The following MCF2L2 variants were observed in gnomAD, a reference collection of about 807,000 sequenced individuals.
MCF2L2 encodes the protein probable guanine nucleotide exchange factor MCF2L2.
Under a neutral mutation model 150.2 loss-of-function variants are expected in MCF2L2, and 102 were observed. That is an observed-to-expected ratio of 0.68 (90% CI 0.58 to 0.80). The LOEUF is 0.80. MCF2L2 is among the 30% of genes least tolerant of loss of function. The pLI is 0.00. For synonymous variants in MCF2L2, 465 were observed against 491.3 expected (o/e 0.95, Z 0.71); for missense variants, 1,256 against 1,372.8 (o/e 0.91, Z 1.34).
Position 183,305,404 on chromosome 3 carries a change from G to C in MCF2L2, c.1113+4312C>G, listed in dbSNP as rs890092511. On this transcript the variant is annotated intron_variant, in intron 10 of 29. Coordinates refer to ENST00000328913, the MANE Select transcript of MCF2L2 (RefSeq NM_015078.4). The surrounding 1 kb of genome is among the most constrained non-coding windows in gnomAD (Gnocchi z 4.1). ...TCTGGGTCCAGGGAAATTCACCACA[G>C]GATACTTCCAAATCACCCTGTGGTG... Among the ~76,000 whole-genome samples the C allele has an allele frequency of 1.3e-5, 2 of 151,954 alleles. No individual in the cohort carries two copies. The highest frequency in any genetic ancestry group is 4.8e-5 in the African/African-American group (2 of 41,340).
chr3:183,261,088 T>C (rs1344695072), intron 15 of MCF2L2, among the ~76,000 whole-genome samples: 3 of 152,228 alleles, frequency 2.0e-5, no homozygotes, highest in Non-Finnish European at 4.4e-5. Flanking sequence ...TAAATTCACA[T>C]TTCACATTGC....
intron 6 of MCF2L2, among the ~76,000 whole-genome samples, chr3:183,321,434 T>A (rs1174988376): frequency 9.3e-6 from 1 of 107,660 alleles, no homozygotes; most frequent in Non-Finnish European, 2.0e-5. Flanking sequence ...CAAGACTCTG[T>A]CTCAAAAAAA....
At chr3:183,205,783 C>G in intron 25 of MCF2L2, 93 bp downstream of exon 25, 1 of 933,154 alleles carries the variant, frequency 1.1e-6, no homozygotes, top group Non-Finnish European at 1.7e-6. Flanking sequence ...TCCCAGCAAA[C>G]CATTTTCTTT....
At chr3:183,223,296 G>T in intron 20 of MCF2L2, 50 bp downstream of exon 20, 3 of 1,378,538 alleles carry the variant, frequency 2.2e-6, no homozygotes, top group Non-Finnish European at 3.1e-6. Flanking sequence ...GCACCACAGT[G>T]CAGGCGTCTG....
chr3:183,227,048 G>A lies in MCF2L2; in HGVS notation c.2115+1249C>T, dbSNP rs768243041. 2.0e-5 allele frequency: 3 copies of A among 152,162 alleles called. No homozygotes were observed. Among genetic ancestry groups the A allele is most frequent in the Non-Finnish European group, 4.4e-5 (3 of 68,032 alleles). The allele number at this position is 152,162 out of a possible 1,614,324, so 9.4% of individuals were successfully genotyped here. A position where few individuals can be genotyped will look rare whatever the true frequency, so the allele number is the denominator to read the frequency against. On this transcript the variant is annotated intron_variant, in intron 18 of 29. Transcript: ENST00000328913. The surrounding 1 kb of genome is among the most constrained non-coding windows in gnomAD (Gnocchi z 4.0). ...CTTTGTTTGCTTCCAGTTATCATAA[G>A]TATTGCTCTCAGCCTCAGTCATAAT...
chr3:183,347,806 A>C lies in MCF2L2; in HGVS notation c.276-6176T>G, dbSNP rs151205036. 3.6e-3 allele frequency among the ~76,000 whole-genome samples: 549 copies of C among 152,372 alleles called. 1 individual carries two copies. Among genetic ancestry groups the C allele is most frequent in the African/African-American group, 0.013 (530 of 41,588 alleles). On this transcript the variant is annotated intron_variant, in intron 3 of 29. Transcript: ENST00000328913. ...CCAACAAACATATGAAAAAAAGCTC[A>C]TCATTGCTGGTCATTAGATAAATGC...
intron 6 of MCF2L2, among the ~76,000 whole-genome samples, chr3:183,318,911 T>C (rs902836957): frequency 6.6e-6 from 1 of 152,250 alleles, no homozygotes; most frequent in Non-Finnish European, 1.5e-5. Flanking sequence ...CGGAGGGTCT[T>C]GCCTCAATGT....
In MCF2L2 at chr3:183,309,266, G is replaced by GT. The variant is rs10554213; in HGVS notation, c.1113+449dup. 2.7e-4 allele frequency among the ~76,000 whole-genome samples: 41 copies of GT among 149,346 alleles called. 1 individual carries two copies. The highest frequency in any genetic ancestry group is 6.9e-3 in the Middle Eastern group (2 of 290). Reference sequence around the variant, plus strand: ...TCTTGCTCCAGGTATAAAACTAGTTGTTTTTTTTTTTCTGGTTTCTCCTTT... The same window carrying GT: ...TCTTGCTCCAGGTATAAAACTAGTTGTTTTTTTTTTTTCTGGTTTCTCCTTT... On this transcript the variant is annotated intron_variant, in intron 10 of 29. Coordinates refer to ENST00000328913, the MANE Select transcript of MCF2L2 (RefSeq NM_015078.4).
At position 183,243,330 on chromosome 3, in the gene MCF2L2, A is replaced by C. The variant is rs186745163; in HGVS notation, c.1863-12313T>G. On this transcript the variant is annotated intron_variant, in intron 15 of 29. Transcript: ENST00000328913. ...CATCAGGATCCTCCCACACATCCCC[A>C]TTCTAAGTTGCAGGGTCCCATTCTT... 2.4e-3 allele frequency among the ~76,000 whole-genome samples: 362 copies of C among 152,258 alleles called. 2 individuals are homozygous for C. Among genetic ancestry groups the C allele is most frequent in the Non-Finnish European group, 2.9e-3 (199 of 68,008 alleles).
At position 183,295,015 on chromosome 3, in the gene MCF2L2, G is replaced by A. The variant is rs1019390670; in HGVS notation, c.1675+285C>T. Among the ~76,000 whole-genome samples the A allele has an allele frequency of 6.0e-5, 9 of 150,910 alleles. No individual in the cohort carries two copies. The East Asian group carries it at 7.8e-4, about 13-fold the overall frequency. On this transcript the variant is annotated intron_variant, in intron 13 of 29. Coordinates refer to ENST00000328913, the MANE Select transcript of MCF2L2 (RefSeq NM_015078.4). Reference sequence around the variant, plus strand: ...TGACCTCAGATAATCCACCCGCCACGGCCTCCCAAAGTGCTGGGATTACAG... The same window carrying A: ...TGACCTCAGATAATCCACCCGCCACAGCCTCCCAAAGTGCTGGGATTACAG...
chr3:183,191,898 T>C (rs2108634651), intron 27 of MCF2L2, among the ~76,000 whole-genome samples: 1 of 152,130 alleles, frequency 6.6e-6, no homozygotes, highest in Non-Finnish European at 1.5e-5. Flanking sequence ...TGGAGTGCAG[T>C]GGCGTGATCT....
At chr3:183,339,922 G>A (rs905954280) in intron 4 of MCF2L2, among the ~76,000 whole-genome samples, 6 of 152,150 alleles carry the variant, frequency 3.9e-5, no homozygotes, top group Non-Finnish European at 2.9e-5. Flanking sequence ...CATATAAAGT[G>A]ATCAACGTAA....
At chr3:183,366,898 T>C (rs4859174) in intron 3 of MCF2L2, among the ~76,000 whole-genome samples, 6,108 of 152,134 alleles carry the variant, frequency 0.04, 343 homozygotes, top group African/African-American at 0.12. Flanking sequence ...ATCTGCAAGA[T>C]AGTAATAATG....
intron 25 of MCF2L2, among the ~76,000 whole-genome samples, chr3:183,202,498 T>C (rs562007103): frequency 1.3e-5 from 2 of 152,338 alleles, no homozygotes; most frequent in Admixed American, 6.5e-5. Flanking sequence ...CTGATCTTGA[T>C]GATCTGCACA....
intron 5 of MCF2L2, among the ~76,000 whole-genome samples, chr3:183,332,007 T>TC (rs914818238): frequency 1.3e-5 from 2 of 151,820 alleles, no homozygotes; most frequent in East Asian, 1.9e-4. Context: ...TAAACTCCTT[T>TC]CCCCCCAACA....
intron 22 of MCF2L2, among the ~76,000 whole-genome samples, chr3:183,209,733 C>A (rs1722623531): frequency 6.6e-6 from 1 of 152,136 alleles, no homozygotes; most frequent in South Asian, 2.1e-4. Flanking sequence ...TGGTGATCTG[C>A]CCACCTCAGC....
intron 27 of MCF2L2, 195 bp downstream of exon 27, chr3:183,192,804 A>T: frequency 2.0e-6 from 1 of 493,614 alleles, no homozygotes; most frequent in Non-Finnish European, 3.6e-6. Context: ...CTTCATGTTA[A>T]TTCTGCCCCA....
At chr3:183,319,215 G>T (rs1729713644) in intron 6 of MCF2L2, among the ~76,000 whole-genome samples, 1 of 152,214 alleles carries the variant, frequency 6.6e-6, no homozygotes, top group South Asian at 2.1e-4. Context: ...GAAAGATGAA[G>T]AAATCACTTT....
chr3:183,420,033 TCCC>T (rs1715796874), intron 1 of MCF2L2, among the ~76,000 whole-genome samples: 1 of 152,174 alleles, frequency 6.6e-6, no homozygotes, highest in African/African-American at 2.4e-5. Context: ...TTACTCCAGT[TCCC>T]AATAAGTTCC....
Sources: gnomAD v4.1 joint callset for allele counts (sites outside exome capture counted in the v4.1 genomes callset) on GRCh38, gnomAD v4.1.1 for gene constraint, Gnocchi (gnomAD v3.1) non-coding constraint, MANE v1.5 for transcripts, NCBI Gene and HGNC (gene_info 2026-07-23, HGNC 2026-07-21) for gene names.